The following MBD5 variants were observed in gnomAD, a reference collection of about 807,000 sequenced individuals.
MBD5 encodes the protein methyl-CpG binding domain protein 5, also known as methyl-CpG-binding domain protein 5.
Under a neutral mutation model 117.3 loss-of-function variants are expected in MBD5, and 13 were observed. That is an observed-to-expected ratio of 0.11 (90% CI 0.07 to 0.18). The LOEUF is 0.18. Ranked by LOEUF, MBD5 falls within the 10% of genes least tolerant of loss-of-function variation. The probability of loss-of-function intolerance (pLI) is 1.00; values close to 1 mark genes in which losing one functional copy is unlikely to be tolerated. For synonymous variants in MBD5, 727 were observed against 766.4 expected (o/e 0.95, Z 0.85); for missense variants, 1,879 against 2,093.8 (o/e 0.90, Z 2.00).
intron 1 of MBD5, among the ~76,000 whole-genome samples, chr2:148,088,897 A>C (rs980699297): frequency 6.6e-6 from 1 of 152,140 alleles, no homozygotes; most frequent in Admixed American, 6.5e-5. Flanking sequence ...CTCCACTTCA[A>C]AGGTACAGAA....
chr2:148,233,462 A>T (rs1700033371), intron 3 of MBD5, 67 bp downstream of exon 3: 1 of 152,212 alleles, frequency 6.6e-6, no homozygotes, highest in Non-Finnish European at 1.5e-5. Flanking sequence ...GTAGAATTAT[A>T]TTGGGTTTTA....
intron 4 of MBD5, among the ~76,000 whole-genome samples, chr2:148,417,809 T>G (rs1004459948): frequency 4.0e-5 from 6 of 151,158 alleles, no homozygotes; most frequent in Admixed American, 6.6e-5. Flanking sequence ...ATGGGTTGGG[T>G]TTTTTTTTGT....
At position 148,297,745 on chromosome 2, in the gene MBD5, C is replaced by G. The variant is rs1574255383; in HGVS notation, c.-679-44469C>G. On this transcript the variant is annotated intron_variant, in intron 3 of 13. Coordinates refer to ENST00000642680, the MANE Select transcript of MBD5 (RefSeq NM_001378120.1). Reference sequence around the variant, plus strand: ...TTAATAACTGATATCCAGTCATTTCCTATTGTTCACCGAGATGACCTACTA... The same window carrying G: ...TTAATAACTGATATCCAGTCATTTCGTATTGTTCACCGAGATGACCTACTA... 4.6e-5 allele frequency among the ~76,000 whole-genome samples: 7 copies of G among 151,928 alleles called. No individual in the cohort carries two copies. In the South Asian group the frequency reaches 1.5e-3, roughly 32 times the overall value.
chr2:148,330,568 A>C (rs1702619490), intron 3 of MBD5: 2 of 152,238 alleles, frequency 1.3e-5, no homozygotes, highest in Non-Finnish European at 2.9e-5. Context: ...CTTAAAGGAA[A>C]AAGGATGGAA....
intron 4 of MBD5, among the ~76,000 whole-genome samples, chr2:148,425,654 C>G (rs756559746): frequency 6.6e-6 from 1 of 152,130 alleles, no homozygotes; most frequent in Non-Finnish European, 1.5e-5. Flanking sequence ...ACTGGCAAAC[C>G]AAATCCAGCA....
chr2:148,404,551 C>T (rs138361602), intron 4 of MBD5, among the ~76,000 whole-genome samples: 1 of 152,296 alleles, frequency 6.6e-6, no homozygotes, highest in Admixed American at 6.5e-5. Context: ...TCTTCAGATA[C>T]GTTTCCTCTA....
chr2:148,303,068 T>C (rs1025770986), intron 3 of MBD5, among the ~76,000 whole-genome samples: 4 of 151,898 alleles, frequency 2.6e-5, no homozygotes, highest in African/African-American at 9.7e-5. Context: ...GAAAGTGAAA[T>C]AATGATTGCA....
At chr2:148,139,037 A>C (rs1302154834) in intron 1 of MBD5, among the ~76,000 whole-genome samples, 1 of 152,102 alleles carries the variant, frequency 6.6e-6, no homozygotes, top group African/African-American at 2.4e-5. Flanking sequence ...TTTGAAAATT[A>C]TTTTTATATA....
intron 1 of MBD5, among the ~76,000 whole-genome samples, chr2:148,030,568 C>T (rs1694010650): frequency 6.6e-6 from 1 of 152,046 alleles, no homozygotes; most frequent in African/African-American, 2.4e-5. Context: ...ATTAGAACCT[C>T]AGTACATTAA....
At chr2:148,225,592 TC>T (rs1248461115) in intron 2 of MBD5, among the ~76,000 whole-genome samples, 1 of 152,216 alleles carries the variant, frequency 6.6e-6, no homozygotes, top group East Asian at 1.9e-4. Context: ...ATTAATGTCC[TC>T]TTCTTTCTGA....
At chr2:148,477,803 A>G (rs1049814779) in intron 8 of MBD5, among the ~76,000 whole-genome samples, 1 of 152,210 alleles carries the variant, frequency 6.6e-6, no homozygotes, top group African/African-American at 2.4e-5. Context: ...CAGATGGTGA[A>G]GGCATACACA....
chr2:148,516,177 T>A lies in MBD5; in HGVS notation c.*3236T>A, dbSNP rs1682340304. ...AGGAAGATTCTTATATCCTACGAGG[T>A]GACTCATGTTTCATTTTAGACCATG... On this transcript the variant is annotated 3_prime_UTR_variant, in exon 14 of 14. Coordinates refer to ENST00000642680, the MANE Select transcript of MBD5 (RefSeq NM_001378120.1). 6.6e-6 allele frequency: 1 copy of A among 152,216 alleles called. No individual in the cohort carries two copies. Among genetic ancestry groups the A allele is most frequent in the Non-Finnish European group, 1.5e-5 (1 of 68,038 alleles). 9.4% of individuals were successfully genotyped at this position (152,216 alleles called of 1,614,324 possible).
rs1701422195 is a variant in MBD5 at position 148,288,545 on chromosome 2, A to G, written c.-679-53669A>G. Among the ~76,000 whole-genome samples, 6 of 152,040 alleles carry G rather than the reference A, an allele frequency of 3.9e-5. No individual in the cohort carries two copies. In the South Asian group the frequency reaches 1.2e-3, roughly 32 times the overall value. ...TCCAAGAAAGATATTTTGCTATGTC[A>G]TAGCTATGAACCAAAATAACCTAGC... On this transcript the variant is annotated intron_variant, in intron 3 of 13. Coordinates refer to ENST00000642680, the MANE Select transcript of MBD5 (RefSeq NM_001378120.1).
intron 1 of MBD5, among the ~76,000 whole-genome samples, chr2:148,023,009 CT>C (rs1455978933): frequency 1.3e-4 from 20 of 151,002 alleles, no homozygotes; most frequent in Admixed American, 9.2e-4. Context: ...ATATACATTT[CT>C]TTATTCTTTC....
At position 148,470,111 on chromosome 2, in the gene MBD5, G is replaced by A; in HGVS notation, c.2168G>A (p.Cys723Tyr). Residue 723 changes from cysteine to tyrosine, a missense_variant, in exon 8 of 14, where the codon TGT becomes TAT. Physicochemically the swap from Cys to Tyr is radical, Grantham distance 194 (BLOSUM62 -2). Around this residue, in one of 4 missense-constraint regions of MBD5, gnomAD observed 1,666 missense variants for 1,792.2 expected, o/e 0.93. Coordinates refer to ENST00000642680, the MANE Select transcript of MBD5 (RefSeq NM_001378120.1). The part of the protein sequence containing the change: ...SHLSSNSTPG[C>Y]GASNTALPCS... ...TTGAGTAGCAATAGTACCCCGGGTT[G>A]TGGGGCCTCAAATACTGCTTTGCCT... 2 of 1,613,898 alleles carry A rather than the reference G, an allele frequency of 1.2e-6. No homozygotes were observed. The highest frequency in any genetic ancestry group is 1.7e-6 in the Non-Finnish European group (2 of 1,179,916).
intron 3 of MBD5, among the ~76,000 whole-genome samples, chr2:148,245,032 G>C (rs1221398200): frequency 6.6e-6 from 1 of 152,146 alleles, no homozygotes; most frequent in East Asian, 1.9e-4. Flanking sequence ...ACGTACAAAT[G>C]AATAACAGAG....
chr2:148,083,791 C>A (rs1245723986), intron 1 of MBD5, among the ~76,000 whole-genome samples: 1 of 152,044 alleles, frequency 6.6e-6, no homozygotes, highest in East Asian at 1.9e-4. Flanking sequence ...CCACGCCCGA[C>A]TGATTTTTGT....
At chr2:148,165,776 G>T (rs1698113230) in intron 1 of MBD5, among the ~76,000 whole-genome samples, 1 of 152,068 alleles carries the variant, frequency 6.6e-6, no homozygotes. Context: ...GCATTATGAA[G>T]TCCAGCAACA....
chr2:148,152,532 A>C lies in MBD5; in HGVS notation c.-924-26168A>C, dbSNP rs565755688. 7.4e-3 allele frequency among the ~76,000 whole-genome samples: 1,120 copies of C among 151,814 alleles called. 12 individuals carry two copies. The highest frequency in any genetic ancestry group is 0.025 in the African/African-American group (1,045 of 41,448). ...TCTCGTTGATCTGTCTAATGTTGAC[A>C]GTGGGGTGTTAAAGTCTCCCATTAT... On this transcript the variant is annotated intron_variant, in intron 1 of 13. Transcript: ENST00000642680.
Sources: gnomAD v4.1 joint callset for allele counts (sites outside exome capture counted in the v4.1 genomes callset) on GRCh38, gnomAD v4.1.1 for gene constraint, gnomAD v4.1.1 regional missense constraint, MANE v1.5 for transcripts, NCBI Gene and HGNC (gene_info 2026-07-23, HGNC 2026-07-21) for gene names.